Variants in SGMS1 observed in about 807,000 individuals in gnomAD.
SGMS1 encodes sphingomyelin synthase 1.
A neutral mutation model predicts 46.2 loss-of-function variants in SGMS1; 13 were observed. The observed-to-expected ratio is 0.28, with a 90% CI of 0.18 to 0.45. The LOEUF is 0.45. Ranked by LOEUF, SGMS1 falls within the 20% of genes least tolerant of loss-of-function variation. The pLI is 1.00. For missense variants in SGMS1, 324 were observed against 519.9 expected (o/e 0.62, Z 3.66); for synonymous variants, 203 against 187.8 (o/e 1.08, Z -0.66).
intron 3 of SGMS1, among the ~76,000 whole-genome samples, chr10:50,502,635 C>A (rs1001006462): frequency 6.6e-6 from 1 of 152,068 alleles, no homozygotes; most frequent in Non-Finnish European, 1.5e-5. Flanking sequence ...TGTGCAGATA[C>A]AAAATTTTGT....
chr10:50,400,633 T>G (rs1848923393), intron 6 of SGMS1, among the ~76,000 whole-genome samples: 1 of 151,772 alleles, frequency 6.6e-6, no homozygotes, highest in South Asian at 2.1e-4. Context: ...AAAAAATTTT[T>G]TTACAGACAA....
At chr10:50,588,721 ATTTTTTTTTTTTTTT>A (rs71029314) in intron 2 of SGMS1, among the ~76,000 whole-genome samples, 1 of 92,220 alleles carries the variant, frequency 1.1e-5, no homozygotes, top group Non-Finnish European at 2.1e-5. Context: ...GACTGATCTA[ATTTTTTTTTTTTTTT>A]TTTTTTTTTT....
intron 5 of SGMS1, among the ~76,000 whole-genome samples, chr10:50,456,110 C>T (rs1436640771): frequency 1.3e-5 from 2 of 152,130 alleles, no homozygotes; most frequent in Non-Finnish European, 2.9e-5. Flanking sequence ...TCTGGGTGTC[C>T]ATTTTCCATC....
At chr10:50,337,479 A>C (rs186459179) in intron 7 of SGMS1, among the ~76,000 whole-genome samples, 1 of 152,170 alleles carries the variant, frequency 6.6e-6, no homozygotes, top group Non-Finnish European at 1.5e-5. Context: ...CTTTATATCA[A>C]ATGCTTTTAA....
chr10:50,503,034 C>A (rs1173950699), intron 3 of SGMS1, among the ~76,000 whole-genome samples: 1 of 152,170 alleles, frequency 6.6e-6, no homozygotes, highest in Non-Finnish European at 1.5e-5. Flanking sequence ...TCCAAAGAAT[C>A]ATTTTCTCCA....
intron 6 of SGMS1, among the ~76,000 whole-genome samples, chr10:50,409,042 A>G (rs1256560274): frequency 6.6e-6 from 1 of 152,248 alleles, no homozygotes; most frequent in Non-Finnish European, 1.5e-5. Context: ...GTCCAGACCC[A>G]GTAGTGAGAG....
intron 6 of SGMS1, among the ~76,000 whole-genome samples, chr10:50,413,036 C>T (rs527260758): frequency 2.4e-4 from 36 of 152,202 alleles, no homozygotes; most frequent in African/African-American, 8.4e-4. Context: ...CCTTATATAT[C>T]CTCCTTCCAA....
chr10:50,463,997 C>T (rs1354832086), intron 4 of SGMS1, among the ~76,000 whole-genome samples: 1 of 151,998 alleles, frequency 6.6e-6, no homozygotes, highest in East Asian at 1.9e-4. Context: ...GAAGGTGGTT[C>T]GTAAGGTGGT....
chr10:50,580,904 A>G (rs1838427170), intron 2 of SGMS1, among the ~76,000 whole-genome samples: 1 of 152,186 alleles, frequency 6.6e-6, no homozygotes, highest in African/African-American at 2.4e-5. Flanking sequence ...TAAAGAAGGC[A>G]AATTTTATGT....
intron 2 of SGMS1, among the ~76,000 whole-genome samples, chr10:50,531,370 T>G (rs114730091): frequency 6.8e-6 from 1 of 146,140 alleles, no homozygotes; most frequent in Non-Finnish European, 1.5e-5. Context: ...CATACATGTT[T>G]ACTTATTTTT....
At chr10:50,405,852 C>A (rs1170480668) in intron 6 of SGMS1, among the ~76,000 whole-genome samples, 1 of 152,156 alleles carries the variant, frequency 6.6e-6, no homozygotes, top group Non-Finnish European at 1.5e-5. Context: ...CATTAATATT[C>A]ATGTATTTAT....
intron 1 of SGMS1, among the ~76,000 whole-genome samples, chr10:50,621,610 A>C (rs1588895463): frequency 6.6e-6 from 1 of 152,358 alleles, no homozygotes; most frequent in East Asian, 1.9e-4. Context: ...CCAATGAGTA[A>C]GATACTGGTT....
chr10:50,352,882 A>C (rs895367028), intron 6 of SGMS1, among the ~76,000 whole-genome samples: 1 of 152,236 alleles, frequency 6.6e-6, no homozygotes, highest in African/African-American at 2.4e-5. Context: ...CCCAAGACTA[A>C]ACCAGGAAGA....
In SGMS1 at chr10:50,552,855, A is replaced by C. The variant is rs1161251883; in HGVS notation, c.-588-32934T>G. ...CCTTCCTTGTAAGAGGGAGGTAGAC[A>C]GTGACCTGACACCAAAGAGAAGAGA... On this transcript the variant is annotated intron_variant, in intron 2 of 10. Transcript: ENST00000361781. Among the ~76,000 whole-genome samples the C allele has an allele frequency of 2.0e-5, 3 of 152,224 alleles. No homozygotes were observed. In the South Asian group the frequency reaches 6.2e-4, roughly 31 times the overall value.
chr10:50,433,243 AC>A (rs1849428533), intron 6 of SGMS1, among the ~76,000 whole-genome samples: 1 of 152,232 alleles, frequency 6.6e-6, no homozygotes, highest in African/African-American at 2.4e-5. Context: ...TGCTCTGTCC[AC>A]CAAATTGACA....
intron 5 of SGMS1, among the ~76,000 whole-genome samples, chr10:50,438,297 A>C (rs2133630105): frequency 6.6e-6 from 1 of 152,358 alleles, no homozygotes; most frequent in Admixed American, 6.5e-5. Flanking sequence ...ACATTACATA[A>C]GATTGTAACA....
intron 6 of SGMS1, among the ~76,000 whole-genome samples, chr10:50,420,563 G>A (rs941100504): frequency 3.3e-5 from 5 of 152,110 alleles, no homozygotes; most frequent in South Asian, 2.1e-4. Flanking sequence ...TTTGCTTTAC[G>A]GGCAGCTTTC....
intron 6 of SGMS1, among the ~76,000 whole-genome samples, chr10:50,373,443 GAA>G (rs145568452): frequency 0.012 from 1,775 of 152,300 alleles, 19 homozygotes; most frequent in East Asian, 0.058. Flanking sequence ...ACCATTTGAT[GAA>G]AAGTCAGTTT....
intron 2 of SGMS1, among the ~76,000 whole-genome samples, chr10:50,560,322 A>G (rs1399790080): frequency 2.2e-5 from 3 of 138,402 alleles, no homozygotes; most frequent in Non-Finnish European, 4.5e-5. Context: ...TATTATTAAT[A>G]TTATATATTA....
Sources: gnomAD v4.1 joint callset for allele counts (sites outside exome capture counted in the v4.1 genomes callset) on GRCh38, gnomAD v4.1.1 for gene constraint, MANE v1.5 for transcripts, NCBI Gene and HGNC (gene_info 2026-07-23, HGNC 2026-07-21) for gene names.